The following ENOX2 variants were observed in gnomAD, a reference collection of about 807,000 sequenced individuals.
ENOX2 encodes the protein APK1 antigen.
Under a neutral mutation model 45.0 loss-of-function variants are expected in ENOX2, and 36 were observed. The ratio of observed to expected loss-of-function variants is 0.80; its 90% CI spans 0.61 to 1.06. The LOEUF (loss-of-function observed/expected upper bound fraction) is 1.06. ENOX2 is among the 50% of genes least tolerant of loss of function. The probability of loss-of-function intolerance (pLI) is 0.00; values close to 1 mark genes in which losing one functional copy is unlikely to be tolerated. For missense variants in ENOX2, 423 were observed against 462.5 expected (o/e 0.91, Z 0.78); for synonymous variants, 174 against 152.3 (o/e 1.14, Z -1.05).
intron 3 of ENOX2, among the ~76,000 whole-genome samples, chrX:130,733,094 T>C (rs1022239328): frequency 9.8e-5 from 11 of 112,116 alleles, no homozygotes; most frequent in African/African-American, 3.2e-4. Context: ...ACCTATGGAA[T>C]AGGATAAAAT....
At chrX:130,717,066 A>G (rs955755070) in intron 3 of ENOX2, among the ~76,000 whole-genome samples, 2 of 112,253 alleles carry the variant, frequency 1.8e-5, no homozygotes, top group Non-Finnish European at 3.8e-5. Context: ...TGATTTGAAA[A>G]TGATTACAAA....
chrX:130,725,763 T>C (rs2038590728), intron 3 of ENOX2, among the ~76,000 whole-genome samples: 1 of 111,572 alleles, frequency 9.0e-6, no homozygotes, highest in South Asian at 3.8e-4. Flanking sequence ...TATGGGAAAC[T>C]GCCAAGGTGA....
Position 130,638,154 on chromosome X carries a change from C to T in ENOX2, c.1130-744G>A, listed in dbSNP as rs183322508. On this transcript the variant is annotated intron_variant, in intron 10 of 14. Coordinates refer to ENST00000394363, the MANE Select transcript of ENOX2 (RefSeq NM_006375.4). The stretch of plus-strand genomic sequence containing the variant: ...TAGGATCTTGGCTCACTGCAACCTC[C>T]GCCTCCTGGGTTCAAGCAATTCTCC... 3.3e-3 allele frequency among the ~76,000 whole-genome samples: 359 copies of T among 107,606 alleles called. 1 individual carries two copies. The highest frequency in any genetic ancestry group is 0.011 in the African/African-American group (332 of 29,391). The allele number at this position is 107,606 out of a possible 115,157, so 93.4% of individuals were successfully genotyped here.
intron 2 of ENOX2, among the ~76,000 whole-genome samples, chrX:130,838,486 G>C (rs2077964315): frequency 8.9e-6 from 1 of 111,997 alleles, no homozygotes; most frequent in South Asian, 3.7e-4. Flanking sequence ...CAAAGTGCCT[G>C]GCACAAAAGA....
At chrX:130,779,103 G>A (rs887773133) in intron 3 of ENOX2, among the ~76,000 whole-genome samples, 2 of 112,582 alleles carry the variant, frequency 1.8e-5, no homozygotes, top group Non-Finnish European at 3.8e-5. Context: ...CCAGGAGGCA[G>A]TTGGCAACTT....
chrX:130,894,967 C>A (rs1434575314), intron 2 of ENOX2, among the ~76,000 whole-genome samples: 1 of 111,654 alleles, frequency 9.0e-6, no homozygotes, highest in Non-Finnish European at 1.9e-5. Flanking sequence ...CACAGTTAGA[C>A]TCTGATCTCT....
chrX:130,761,784 T>C (rs2039496280), intron 3 of ENOX2, among the ~76,000 whole-genome samples: 1 of 111,165 alleles, frequency 9.0e-6, no homozygotes, highest in African/African-American at 3.3e-5. Context: ...CACTAAGTCA[T>C]TCATGAGGGT....
rs1191333936 is a variant in ENOX2, at chrX:130,689,149, A to C, written c.98-131T>G. On this transcript the variant is annotated intron_variant, in intron 4 of 14. Transcript: ENST00000394363. ...AAAATATTTAACAAGCATGGTACTTAGTATTCCCAGGTCTTAAATATTATC... is the reference window on the plus strand; with the variant it reads ...AAAATATTTAACAAGCATGGTACTTCGTATTCCCAGGTCTTAAATATTATC... 6.3e-6 allele frequency: 3 copies of C among 475,334 alleles called. No individual in the cohort carries two copies. The East Asian group carries it at 1.1e-4, about 18-fold the overall frequency. The allele number at this position is 475,334 out of a possible 1,213,427, so 39.2% of individuals were successfully genotyped here.
intron 6 of ENOX2, among the ~76,000 whole-genome samples, chrX:130,672,913 C>A (rs1161676893): frequency 9.0e-6 from 1 of 111,691 alleles, no homozygotes; most frequent in African/African-American, 3.3e-5. Flanking sequence ...CCAGCTCCAC[C>A]CAGCTTTGTC....
At chrX:130,730,298 A>ACCT (rs1222199849) in intron 3 of ENOX2, among the ~76,000 whole-genome samples, 3 of 112,636 alleles carry the variant, frequency 2.7e-5, no homozygotes, top group Admixed American at 9.3e-5. Flanking sequence ...TTGTTGCTCC[A>ACCT]GTTAGAACTT....
In ENOX2 at chrX:130,667,519, G is replaced by C; in HGVS notation, c.907+11C>G. On this transcript the variant is annotated intron_variant, in intron 8 of 14. Coordinates refer to ENST00000394363, the MANE Select transcript of ENOX2 (RefSeq NM_006375.4). ...TATTCTCATTCCAGCAGAACTCTAA[G>C]TTCCACTCACATTGAATGAGAATTC... 1 of 1,193,324 alleles carries C rather than the reference G, an allele frequency of 8.4e-7. No individual in the cohort carries two copies. Among genetic ancestry groups the C allele is most frequent in the South Asian group, 1.8e-5 (1 of 56,556 alleles).
At chrX:130,890,385 T>C (rs554115268) in intron 2 of ENOX2, among the ~76,000 whole-genome samples, 1 of 111,138 alleles carries the variant, frequency 9.0e-6, no homozygotes, top group South Asian at 3.8e-4. Flanking sequence ...CCACCCAAGC[T>C]CCTCCTCGGC....
chrX:130,813,901 G>A (rs1008005091), intron 2 of ENOX2, among the ~76,000 whole-genome samples: 2 of 111,943 alleles, frequency 1.8e-5, no homozygotes, highest in Non-Finnish European at 3.8e-5. Flanking sequence ...AGACAGAACC[G>A]TTTGCTCCCC....
At chrX:130,759,850 C>T (rs1164217926) in intron 3 of ENOX2, among the ~76,000 whole-genome samples, 1 of 110,079 alleles carries the variant, frequency 9.1e-6, no homozygotes, top group Non-Finnish European at 1.9e-5. Context: ...AAATACCTTG[C>T]TAAAATTTTG....
intron 2 of ENOX2, among the ~76,000 whole-genome samples, chrX:130,789,854 C>G (rs1052474001): frequency 3.6e-5 from 4 of 112,145 alleles, no homozygotes; most frequent in African/African-American, 1.3e-4. Flanking sequence ...GAGGGCCCTC[C>G]TCACTTTCAT....
Position 130,635,525 on chromosome X carries a change from T to C in ENOX2, c.1312-434A>G, listed in dbSNP as rs765534497. Among the ~76,000 whole-genome samples the C allele has an allele frequency of 8.3e-4, 93 of 112,495 alleles. 1 individual carries two copies. The highest frequency in any genetic ancestry group is 3.6e-4 in the Non-Finnish European group (19 of 53,343). ...AAATAATCCAAATTTTACATGTTAGTTTCCATATAAGTAGGCAGGAAGCTA... is the reference window on the plus strand; with the variant it reads ...AAATAATCCAAATTTTACATGTTAGCTTCCATATAAGTAGGCAGGAAGCTA... On this transcript the variant is annotated intron_variant, in intron 11 of 14. Coordinates refer to ENST00000394363, the MANE Select transcript of ENOX2 (RefSeq NM_006375.4).
At chrX:130,678,811 C>G (rs1157907847) in intron 6 of ENOX2, among the ~76,000 whole-genome samples, 1 of 111,666 alleles carries the variant, frequency 9.0e-6, no homozygotes, top group Non-Finnish European at 1.9e-5. Flanking sequence ...TTTGCTGCAT[C>G]CCCAGCAACC....
intron 4 of ENOX2, among the ~76,000 whole-genome samples, chrX:130,691,807 GT>G (rs1452276262): frequency 2.2e-4 from 25 of 112,458 alleles, no homozygotes; most frequent in Middle Eastern, 4.6e-3. Context: ...CATTAAACAA[GT>G]TCTGCCACTT....
chrX:130,735,463 T>C (rs1278779813), intron 3 of ENOX2, among the ~76,000 whole-genome samples: 1 of 111,774 alleles, frequency 8.9e-6, no homozygotes, highest in Admixed American at 9.5e-5. Context: ...AACCTACCCA[T>C]GAGGGAAGGT....
Sources: allele counts gnomAD v4.1 joint callset (sites outside exome capture counted in the v4.1 genomes callset), GRCh38; gene constraint gnomAD v4.1.1; transcripts MANE v1.5; gene names NCBI Gene and HGNC (gene_info 2026-07-23, HGNC 2026-07-21).